The following SDK1 variants were observed in gnomAD, a reference collection of about 807,000 sequenced individuals.
SDK1 encodes sidekick cell adhesion molecule 1.
A neutral mutation model predicts 245.5 loss-of-function variants in SDK1; 157 were observed. The ratio of observed to expected loss-of-function variants is 0.64; its 90% CI spans 0.56 to 0.73. The LOEUF is 0.73. Ranked by LOEUF, SDK1 falls within the 30% of genes least tolerant of loss-of-function variation. The pLI is 0.00. For missense variants in SDK1, 3,583 were observed against 3,002.3 expected, an observed-to-expected ratio of 1.19 and a Z score of -4.52; for synonymous variants, 1,647 against 1,278.5, an observed-to-expected ratio of 1.29 and a Z score of -6.15.
intron 4 of SDK1, among the ~76,000 whole-genome samples, chr7:3,729,608 C>G (rs1255854754): frequency 1.3e-5 from 2 of 152,162 alleles, no homozygotes. Context: ...ACCTTTGCTT[C>G]TTGTCTGGGG....
chr7:3,329,720 G>T (rs1780021992), intron 1 of SDK1, among the ~76,000 whole-genome samples: 1 of 152,018 alleles, frequency 6.6e-6, no homozygotes, highest in South Asian at 2.1e-4. Context: ...TCTCTGCATT[G>T]GTGCATTCTA....
intron 4 of SDK1, among the ~76,000 whole-genome samples, chr7:3,754,299 T>G (rs972400185): frequency 6.6e-6 from 1 of 152,220 alleles, no homozygotes; most frequent in African/African-American, 2.4e-5. Context: ...TTCAGCAAAT[T>G]TTGCTTGGTA....
At chr7:3,438,003 A>G (rs1247066936) in intron 1 of SDK1, among the ~76,000 whole-genome samples, 8 of 152,158 alleles carry the variant, frequency 5.3e-5, no homozygotes, top group Non-Finnish European at 8.8e-5. Flanking sequence ...GACCTGAGAC[A>G]TTGTTGGGGC....
intron 1 of SDK1, among the ~76,000 whole-genome samples, chr7:3,591,344 A>C (rs1451643540): frequency 6.6e-6 from 1 of 152,200 alleles, no homozygotes; most frequent in East Asian, 1.9e-4. Flanking sequence ...AGGGCACAGC[A>C]TGACCTAGCT....
chr7:3,579,938 G>A (rs1780427880), intron 1 of SDK1, among the ~76,000 whole-genome samples: 1 of 152,162 alleles, frequency 6.6e-6, no homozygotes, highest in African/African-American at 2.4e-5. Flanking sequence ...AACAATTTCA[G>A]CAAAGTTTCA....
chr7:3,532,967 G>T (rs928349034), intron 1 of SDK1, among the ~76,000 whole-genome samples: 1 of 152,188 alleles, frequency 6.6e-6, no homozygotes, highest in East Asian at 1.9e-4. Flanking sequence ...CATGGTAGTG[G>T]AGAGGAGAGA....
intron 17 of SDK1, among the ~76,000 whole-genome samples, chr7:4,043,053 G>T (rs1788747415): frequency 6.6e-6 from 1 of 152,164 alleles, no homozygotes; most frequent in South Asian, 2.1e-4. Flanking sequence ...AGGAGAGTGT[G>T]TGCCCACAGG....
chr7:3,464,868 T>C (rs1203452262), intron 1 of SDK1, among the ~76,000 whole-genome samples: 3 of 152,174 alleles, frequency 2.0e-5, no homozygotes, highest in African/African-American at 7.2e-5. Flanking sequence ...ATATTACATG[T>C]TAAATTTGTC....
At chr7:4,048,499 C>T (rs6957994) in intron 17 of SDK1, among the ~76,000 whole-genome samples, 34,617 of 150,750 alleles carry the variant, frequency 0.23, 5,681 homozygotes, top group African/African-American at 0.47. Context: ...CTCGTCCAGC[C>T]GTGCTCCGTG....
chr7:4,251,454 A>G (rs116233718), intron 44 of SDK1, among the ~76,000 whole-genome samples: 1 of 152,216 alleles, frequency 6.6e-6, no homozygotes, highest in Non-Finnish European at 1.5e-5. Context: ...CTGTGAGGAC[A>G]CATAGGAATT....
At chr7:3,796,517 T>C (rs954817844) in intron 4 of SDK1, among the ~76,000 whole-genome samples, 2 of 151,380 alleles carry the variant, frequency 1.3e-5, no homozygotes, top group African/African-American at 4.9e-5. Flanking sequence ...GTAATGCCCC[T>C]CTCCCCCCCA....
At chr7:3,684,472 C>T (rs1784213555) in intron 4 of SDK1, among the ~76,000 whole-genome samples, 1 of 152,200 alleles carries the variant, frequency 6.6e-6, no homozygotes, top group African/African-American at 2.4e-5. Context: ...TAAAGCTGAA[C>T]ACACATACCC....
intron 28 of SDK1, among the ~76,000 whole-genome samples, chr7:4,138,954 G>A (rs1033497904): frequency 2.0e-5 from 3 of 152,208 alleles, no homozygotes; most frequent in African/African-American, 7.2e-5. Flanking sequence ...GGCTGCCGGA[G>A]CCTGCTAGGT....
chr7:3,620,906 C>T (rs536203248), intron 2 of SDK1, among the ~76,000 whole-genome samples: 26 of 152,220 alleles, frequency 1.7e-4, no homozygotes, highest in African/African-American at 3.6e-4. Flanking sequence ...GATCTACACT[C>T]GAGGAAAAGT....
chr7:3,690,036 T>C (rs567859344), intron 4 of SDK1, among the ~76,000 whole-genome samples: 1 of 152,250 alleles, frequency 6.6e-6, no homozygotes, highest in Admixed American at 6.5e-5. Context: ...TGCAAAAATA[T>C]TCATCCATTT....
chr7:3,570,314 C>A (rs916267392), intron 1 of SDK1, among the ~76,000 whole-genome samples: 1 of 152,152 alleles, frequency 6.6e-6, no homozygotes, highest in African/African-American at 2.4e-5. Flanking sequence ...AGATCCCTCA[C>A]GTGCACAGTT....
intron 17 of SDK1, among the ~76,000 whole-genome samples, chr7:4,047,099 G>C (rs1789071865): frequency 6.6e-6 from 1 of 152,174 alleles, no homozygotes; most frequent in African/African-American, 2.4e-5. Context: ...GCTTAAATGA[G>C]ATATTAGCTG....
intron 44 of SDK1, among the ~76,000 whole-genome samples, chr7:4,264,508 TGGACCTCTCCTGAGTGAGGGAGGCCGC>T (rs1788317399): frequency 8.4e-6 from 1 of 118,474 alleles, no homozygotes; most frequent in African/African-American, 3.2e-5. Flanking sequence ...GGAGGCCGCG[TGGACCTCTCCTGAGTGAGGGAGGCCGC>T]GTGGACCTCT....
At position 3,308,520 on chromosome 7, in the gene SDK1, T is replaced by C. The variant is rs543508462; in HGVS notation, c.298+6636T>C. ...CAATGTCTAGTGAAGATAACAGCTA[T>C]CAATTAAATAGTCCAATTTCTTGAA... On this transcript the variant is annotated intron_variant, in intron 1 of 44. Transcript: ENST00000404826. Among the ~76,000 whole-genome samples the C allele has an allele frequency of 4.0e-5, 6 of 151,710 alleles. No homozygotes were observed. In the South Asian group the frequency reaches 1.3e-3, roughly 32 times the overall value.
Sources: gnomAD v4.1 joint callset for allele counts (sites outside exome capture counted in the v4.1 genomes callset) on GRCh38, gnomAD v4.1.1 for gene constraint, MANE v1.5 for transcripts, NCBI Gene and HGNC (gene_info 2026-07-23, HGNC 2026-07-21) for gene names.